Variants in MAPRE3 observed in about 807,000 individuals in gnomAD.
The protein encoded by MAPRE3 is microtubule-associated protein RP/EB family member 3.
Under a neutral mutation model 30.5 loss-of-function variants are expected in MAPRE3, and 2 were observed. The observed-to-expected ratio is 0.07, with a 90% CI of 0.03 to 0.21. MAPRE3 has a LOEUF of 0.21. Ranked by LOEUF, MAPRE3 falls within the 10% of genes least tolerant of loss-of-function variation. The pLI is 1.00. For missense variants in MAPRE3, 204 were observed against 351.8 expected (o/e 0.58, Z 3.36); for synonymous variants, 110 against 127.7 (o/e 0.86, Z 0.93).
chr2:26,995,119 G>A (rs1309301667), intron 1 of MAPRE3, among the ~76,000 whole-genome samples: 1 of 152,152 alleles, frequency 6.6e-6, no homozygotes, highest in East Asian at 1.9e-4. Context: ...ATTGTCTCAA[G>A]TCAAAACTAC....
At chr2:26,973,756 C>T (rs1665962622) in intron 1 of MAPRE3, among the ~76,000 whole-genome samples, 1 of 151,980 alleles carries the variant, frequency 6.6e-6, no homozygotes, top group Admixed American at 6.5e-5. Context: ...GGGGTTTCAC[C>T]TTGTTAGCCA....
At chr2:26,979,224 G>A (rs1314095527) in intron 1 of MAPRE3, among the ~76,000 whole-genome samples, 1 of 152,192 alleles carries the variant, frequency 6.6e-6, no homozygotes, top group Non-Finnish European at 1.5e-5. Flanking sequence ...GGGTGTCACT[G>A]GTACTACAGA....
chr2:27,022,032 C>T (rs1667119908), intron 1 of MAPRE3, among the ~76,000 whole-genome samples, 180 bp from the exon 2 acceptor site: 2 of 152,206 alleles, frequency 1.3e-5, no homozygotes, highest in African/African-American at 4.8e-5. Flanking sequence ...GCACGTCTAG[C>T]ATATAGTAGA....
chr2:27,003,787 T>C (rs866164504), intron 1 of MAPRE3, among the ~76,000 whole-genome samples: 10 of 152,268 alleles, frequency 6.6e-5, no homozygotes, highest in African/African-American at 2.4e-4. Flanking sequence ...CCCCATCCCC[T>C]TCTCCTTACC....
intron 1 of MAPRE3, among the ~76,000 whole-genome samples, chr2:26,975,481 G>A (rs897153899): frequency 1.3e-5 from 2 of 152,154 alleles, no homozygotes; most frequent in African/African-American, 4.8e-5. Flanking sequence ...AAGCTGTTCA[G>A]GTGCAAGAGC....
intron 1 of MAPRE3, chr2:27,012,274 G>A (rs1478073979): frequency 3.3e-5 from 5 of 152,016 alleles, no homozygotes; most frequent in East Asian, 1.9e-4. Flanking sequence ...AATTCTCAAG[G>A]GGTGAAATCT....
At chr2:26,981,435 G>C (rs1313155518) in intron 1 of MAPRE3, among the ~76,000 whole-genome samples, 1 of 152,118 alleles carries the variant, frequency 6.6e-6, no homozygotes, top group African/African-American at 2.4e-5. Flanking sequence ...CAGTGGGAAC[G>C]GAAAACAGGT....
rs962674464 is a variant in MAPRE3 at position 27,015,162 on chromosome 2, C to T, written c.-7-7050C>T. Among the ~76,000 whole-genome samples the T allele has an allele frequency of 1.6e-4, 24 of 152,252 alleles. No individual in the cohort carries two copies. The highest frequency in any genetic ancestry group is 1.5e-5 in the Non-Finnish European group (1 of 68,050). On this transcript the variant is annotated intron_variant, in intron 1 of 6. Transcript: ENST00000233121. The surrounding 1 kb of genome is among the most constrained non-coding windows in gnomAD (Gnocchi z 4.0). Reference sequence around the variant, plus strand: ...TCCATGGTCTGAGACCAGAGGCTGGCTGTGTGTCAGGCACCTACTCCTCGA... The same window carrying T: ...TCCATGGTCTGAGACCAGAGGCTGGTTGTGTGTCAGGCACCTACTCCTCGA...
chr2:27,024,929 TG>T (rs1309989028), intron 4 of MAPRE3, among the ~76,000 whole-genome samples: 1 of 152,150 alleles, frequency 6.6e-6, no homozygotes, highest in Non-Finnish European at 1.5e-5. Flanking sequence ...CTGTCTGCAC[TG>T]CTGTTCTGCC....
intron 1 of MAPRE3, among the ~76,000 whole-genome samples, chr2:27,008,634 C>A (rs1437352129): frequency 6.6e-6 from 1 of 152,022 alleles, no homozygotes; most frequent in Admixed American, 6.6e-5. Context: ...AATGCCTGGG[C>A]CTTCCAACTA....
intron 1 of MAPRE3, chr2:27,012,660 C>G (rs543591548): frequency 6.5e-6 from 1 of 152,706 alleles, no homozygotes; most frequent in African/African-American, 2.4e-5. Context: ...TCCTGCAGAA[C>G]AGGCAGGTAG....
intron 1 of MAPRE3, among the ~76,000 whole-genome samples, chr2:26,995,987 A>G (rs568229068): frequency 3.9e-5 from 6 of 151,932 alleles, no homozygotes; most frequent in African/African-American, 1.4e-4. Context: ...TATCGCCTCT[A>G]TTCCTTGTTA....
intron 1 of MAPRE3, among the ~76,000 whole-genome samples, chr2:26,972,254 TA>T (rs1176395248): frequency 6.6e-6 from 1 of 152,240 alleles, no homozygotes; most frequent in Non-Finnish European, 1.5e-5. Flanking sequence ...GGTCCATTTC[TA>T]AAAATCATGG....
chr2:26,987,652 A>G (rs1666252222), intron 1 of MAPRE3, among the ~76,000 whole-genome samples: 2 of 152,212 alleles, frequency 1.3e-5, no homozygotes, highest in African/African-American at 4.8e-5. Context: ...AAACAAAAAA[A>G]GAAAGAAAGA....
intron 1 of MAPRE3, among the ~76,000 whole-genome samples, chr2:27,006,969 T>A (rs1666742821): frequency 6.6e-6 from 1 of 152,222 alleles, no homozygotes; most frequent in Non-Finnish European, 1.5e-5. Flanking sequence ...TACAGATTCC[T>A]CTGGTGCTGT....
chr2:26,997,899 A>T (rs1425789622), intron 1 of MAPRE3, among the ~76,000 whole-genome samples: 2 of 152,224 alleles, frequency 1.3e-5, no homozygotes, highest in Non-Finnish European at 2.9e-5. Context: ...AGTCATCTAA[A>T]CATAAAATCT....
chr2:27,001,554 T>G (rs1275434896), intron 1 of MAPRE3, among the ~76,000 whole-genome samples: 1 of 152,118 alleles, frequency 6.6e-6, no homozygotes, highest in Admixed American at 6.5e-5. Context: ...GGCATATAAT[T>G]GATAGATAGG....
intron 1 of MAPRE3, among the ~76,000 whole-genome samples, chr2:27,009,041 T>C (rs1666792898): frequency 1.3e-5 from 2 of 148,838 alleles, no homozygotes; most frequent in Admixed American, 6.7e-5. Context: ...GGCCAGGGGA[T>C]AGGGTTGGGG....
At chr2:27,026,228 G>T (rs1318028275) in intron 6 of MAPRE3, 52 bp from the exon 7 acceptor site, 12 of 1,548,576 alleles carry the variant, frequency 7.7e-6, no homozygotes, top group Non-Finnish European at 1.1e-5. Flanking sequence ...AACCTGAGAA[G>T]CCCTGCCTGG....
Sources: gnomAD v4.1 joint callset for allele counts (sites outside exome capture counted in the v4.1 genomes callset) on GRCh38, gnomAD v4.1.1 for gene constraint, Gnocchi (gnomAD v3.1) non-coding constraint, MANE v1.5 for transcripts, NCBI Gene and HGNC (gene_info 2026-07-23, HGNC 2026-07-21) for gene names.